The following GTF2IRD1 variants were observed in gnomAD, a reference collection of about 807,000 sequenced individuals.
GTF2IRD1 encodes the protein GTF2I repeat domain containing 1.
A neutral mutation model predicts 113.2 loss-of-function variants in GTF2IRD1; 26 were observed. The observed-to-expected ratio is 0.23, with a 90% CI of 0.17 to 0.32. GTF2IRD1 has a LOEUF of 0.32. Among genes scored for constraint, GTF2IRD1 ranks in the 10% least tolerant of loss-of-function variants. GTF2IRD1 has a pLI of 1.00. For missense variants in GTF2IRD1, 864 were observed against 1,280.8 expected (o/e 0.67, Z 4.97); for synonymous variants, 484 against 529.1 (o/e 0.91, Z 1.17).
At position 74,567,616 on chromosome 7, in the gene GTF2IRD1, A is replaced by T. The variant is rs587633213; in HGVS notation, c.2320+7961A>T. Among the ~76,000 whole-genome samples, 92 of 152,204 alleles carry T rather than the reference A, an allele frequency of 6.0e-4. 2 individuals carry two copies. Among genetic ancestry groups the T allele is most frequent in the South Asian group, 1.7e-3 (8 of 4,820 alleles). ...AGCACCAAAGTGCCAGCTCACTGCC[A>T]CCCTCAGTAAAGACTAACTTGCCCT... is the stretch of plus-strand genomic sequence containing the variant. On this transcript the variant is annotated intron_variant, in intron 22 of 26. Transcript: ENST00000424337.
chr7:74,561,342 G>A (rs1799950641), intron 22 of GTF2IRD1, among the ~76,000 whole-genome samples: 1 of 118,634 alleles, frequency 8.4e-6, no homozygotes, highest in Non-Finnish European at 1.7e-5. Context: ...GGACTAGATT[G>A]TCTCAAAAAA....
chr7:74,483,422 C>T (rs1794854156), intron 1 of GTF2IRD1, among the ~76,000 whole-genome samples: 2 of 151,944 alleles, frequency 1.3e-5, no homozygotes, highest in Admixed American at 1.3e-4. Flanking sequence ...TGGCATGTGT[C>T]TGCAGTTCCA....
chr7:74,496,661 T>A (rs541834053), intron 1 of GTF2IRD1, among the ~76,000 whole-genome samples: 9 of 151,946 alleles, frequency 5.9e-5, no homozygotes, highest in South Asian at 4.1e-4. Flanking sequence ...GGTGTGTGTG[T>A]GAGTGTGCAT....
At chr7:74,534,371 G>T in intron 9 of GTF2IRD1, among the ~76,000 whole-genome samples, 1 of 152,224 alleles carries the variant, frequency 6.6e-6, no homozygotes, top group East Asian at 1.9e-4. Context: ...GGAGGCTGAG[G>T]CAGGTGGATC....
At chr7:74,580,958 A>G (rs1801381511) in intron 22 of GTF2IRD1, among the ~76,000 whole-genome samples, 3 of 152,152 alleles carry the variant, frequency 2.0e-5, no homozygotes, top group African/African-American at 4.8e-5. Flanking sequence ...GAGCTCAGGC[A>G]GGTCCTCCCG....
intron 15 of GTF2IRD1, 101 bp from the exon 16 acceptor site, chr7:74,545,643 C>A: frequency 1.1e-6 from 1 of 878,294 alleles, no homozygotes; most frequent in South Asian, 1.3e-5. Flanking sequence ...TCCCCCATTC[C>A]AAGATCCCAC....
Position 74,508,904 on chromosome 7 carries a change from G to A in GTF2IRD1, c.123+701G>A, listed in dbSNP as rs545800306. On this transcript the variant is annotated intron_variant, in intron 2 of 26. Coordinates refer to ENST00000424337, the MANE Select transcript of GTF2IRD1 (RefSeq NM_005685.4). ...AAAGCAAGAGTTCTAACTGCATCTC[G>A]GGCAGGAAGAGAGAAACCGAGCTTT... Among the ~76,000 whole-genome samples, 9 of 152,112 alleles carry A rather than the reference G, an allele frequency of 5.9e-5. 1 individual carries two copies. The highest frequency in any genetic ancestry group is 3.9e-4 in the Admixed American group (6 of 15,260).
intron 1 of GTF2IRD1, among the ~76,000 whole-genome samples, chr7:74,466,849 C>T (rs1244059251): frequency 2.6e-5 from 4 of 152,166 alleles, no homozygotes; most frequent in Admixed American, 1.3e-4. Context: ...AGCACCCTGC[C>T]TGTTGCGGAG....
At chr7:74,568,336 T>TAAAAAAA (rs1554361345) in intron 22 of GTF2IRD1, among the ~76,000 whole-genome samples, 1 of 3,160 alleles carries the variant, frequency 3.2e-4, no homozygotes, top group Non-Finnish European at 5.2e-4. Context: ...GCATCTCTAT[T>TAAAAAAA]TAAAAAAAAA....
chr7:74,490,881 C>G (rs563856828), intron 1 of GTF2IRD1, among the ~76,000 whole-genome samples: 286 of 152,194 alleles, frequency 1.9e-3, no homozygotes, highest in Middle Eastern at 0.01. Context: ...GAGGTCTGAG[C>G]TGAGGACTGA....
At chr7:74,522,802 T>C (rs587661617) in intron 7 of GTF2IRD1, among the ~76,000 whole-genome samples, 8 of 152,372 alleles carry the variant, frequency 5.3e-5, no homozygotes, top group Non-Finnish European at 8.8e-5. Context: ...CTAATATCTC[T>C]GTTTAAAACT....
intron 1 of GTF2IRD1, among the ~76,000 whole-genome samples, chr7:74,498,659 T>G: frequency 6.6e-6 from 1 of 151,840 alleles, no homozygotes; most frequent in East Asian, 1.9e-4. Context: ...AGGTAACCCC[T>G]TTCCCCATTG....
intron 1 of GTF2IRD1, among the ~76,000 whole-genome samples, chr7:74,461,222 G>C (rs1281167218): frequency 6.6e-6 from 1 of 152,154 alleles, no homozygotes; most frequent in Non-Finnish European, 1.5e-5. Context: ...TTGCGGTCCT[G>C]GGCACTTGAG....
chr7:74,534,116 G>A (rs1460041448), intron 9 of GTF2IRD1, among the ~76,000 whole-genome samples: 2 of 152,118 alleles, frequency 1.3e-5, no homozygotes, highest in African/African-American at 4.8e-5. Context: ...GCCTGTCACT[G>A]AGTAAGATGC....
At chr7:74,554,432 G>C (rs1365708089) in intron 17 of GTF2IRD1, among the ~76,000 whole-genome samples, 1 of 152,180 alleles carries the variant, frequency 6.6e-6, no homozygotes, top group Non-Finnish European at 1.5e-5. Context: ...CTTGGTCACT[G>C]GTGCTTCCGA....
At chr7:74,535,938 TCTCTGGCCAC>T (rs1395871180) in intron 10 of GTF2IRD1, among the ~76,000 whole-genome samples, 1 of 152,124 alleles carries the variant, frequency 6.6e-6, no homozygotes, top group Non-Finnish European at 1.5e-5. Context: ...CTCTCCCAAA[TCTCTGGCCAC>T]CTCTGGCACT....
rs139686762 is a variant in GTF2IRD1, at chr7:74,463,441, C to T, written c.-7+9265C>T. On this transcript the variant is annotated intron_variant, in intron 1 of 26. Coordinates refer to ENST00000424337, the MANE Select transcript of GTF2IRD1 (RefSeq NM_005685.4). ...TAGAGATGGGGGTCTCGCCATGTCG[C>T]CCAGGCTGGTCTTGAACTCCTGTGT... Among the ~76,000 whole-genome samples the T allele has an allele frequency of 3.8e-3, 582 of 152,258 alleles. 1 individual carries two copies. Among genetic ancestry groups the T allele is most frequent in the African/African-American group, 0.013 (537 of 41,544 alleles).
chr7:74,543,263 T>C (rs1416654545), intron 14 of GTF2IRD1, among the ~76,000 whole-genome samples: 4 of 151,448 alleles, frequency 2.6e-5, no homozygotes, highest in African/African-American at 9.7e-5. Flanking sequence ...GATCGCACCA[T>C]TGCACTTCAG....
chr7:74,472,348 A>G (rs1034954537), intron 1 of GTF2IRD1, among the ~76,000 whole-genome samples: 14 of 152,326 alleles, frequency 9.2e-5, no homozygotes, highest in South Asian at 6.2e-4. Context: ...AACTGGAGGG[A>G]ACCTCAGAAT....
Sources: allele counts gnomAD v4.1 joint callset (sites outside exome capture counted in the v4.1 genomes callset), GRCh38; gene constraint gnomAD v4.1.1; transcripts MANE v1.5; gene names NCBI Gene and HGNC (gene_info 2026-07-23, HGNC 2026-07-21).